The following ASPSCR1 variants were observed in gnomAD, a reference collection of about 807,000 sequenced individuals.
ASPSCR1 encodes the protein tether containing UBX domain for GLUT4.
In ASPSCR1, 55 loss-of-function variants were observed where a neutral mutation model predicts 68.9. The ratio of observed to expected loss-of-function variants is 0.80; its 90% CI spans 0.64 to 1.00. The LOEUF (loss-of-function observed/expected upper bound fraction) is 1.00. ASPSCR1 is among the 50% of genes least tolerant of loss of function. The pLI is 0.00. For missense variants in ASPSCR1, 765 were observed against 762.2 expected, an observed-to-expected ratio of 1.00 and a Z score of -0.04; for synonymous variants, 352 against 332.6, an observed-to-expected ratio of 1.06 and a Z score of -0.63.
rs1346097158 is a variant in ASPSCR1, at chr17:81,987,088, CA to C, written c.374+1484del. Among the ~76,000 whole-genome samples, 1 of 147,484 alleles carries C rather than the reference CA, an allele frequency of 6.8e-6. No individual in the cohort carries two copies. The highest frequency in any genetic ancestry group is 1.5e-5 in the Non-Finnish European group (1 of 67,092). On this transcript the variant is annotated intron_variant, in intron 4 of 15. Coordinates refer to ENST00000306739, the MANE Select transcript of ASPSCR1 (RefSeq NM_024083.4). The surrounding 1 kb of genome is among the most constrained non-coding windows in gnomAD (Gnocchi z 5.6). ...GGCAGGAGATGACGGAGCCTAAGAG[CA>C]AAGCGAAGCCACGGGCAGGGGTGAG...
intron 12 of ASPSCR1, chr17:82,015,326 G>C: frequency 6.3e-7 from 1 of 1,598,166 alleles, no homozygotes; most frequent in Non-Finnish European, 8.5e-7. Flanking sequence ...CCCGAGTCAA[G>C]GCTGGGCACA....
In ASPSCR1 at chr17:81,977,833, G is replaced by A; in HGVS notation, c.102+85G>A. 9.4e-7 allele frequency: 1 copy of A among 1,061,936 alleles called. No individual in the cohort carries two copies. The highest frequency in any genetic ancestry group is 1.2e-6 in the Non-Finnish European group (1 of 844,116). 65.8% of individuals were successfully genotyped at this position (1,061,936 alleles called of 1,614,324 possible). A position where few individuals can be genotyped will look rare whatever the true frequency, so the allele number is the denominator to read the frequency against. On this transcript the variant is annotated intron_variant, in intron 1 of 15. Coordinates refer to ENST00000306739, the MANE Select transcript of ASPSCR1 (RefSeq NM_024083.4). The surrounding 1 kb of genome is among the most constrained non-coding windows in gnomAD (Gnocchi z 5.0). ...CGCCCATTGCGGTCGGCGTCCCGGTGTTCGGGGGCGGGGCCTCGGCGGCCA... is the reference window on the plus strand; with the variant it reads ...CGCCCATTGCGGTCGGCGTCCCGGTATTCGGGGGCGGGGCCTCGGCGGCCA...
rs1347576329 is a variant in ASPSCR1, at chr17:81,977,941, C to G, written c.102+193C>G. Reference sequence around the variant, plus strand: ...CTGGGGTCCCGGGGGTCCCGGGGGTCCCGAGTGGGGGCGGGGCGGTGGCGA... The same window carrying G: ...CTGGGGTCCCGGGGGTCCCGGGGGTGCCGAGTGGGGGCGGGGCGGTGGCGA... On this transcript the variant is annotated intron_variant, in intron 1 of 15. Coordinates refer to ENST00000306739, the MANE Select transcript of ASPSCR1 (RefSeq NM_024083.4). This position sits in a 1 kb window ranked among gnomAD's most constrained non-coding sequence, Gnocchi z 5.0. The G allele has an allele frequency of 8.9e-6, 3 of 338,168 alleles. No homozygotes were observed. The highest frequency in any genetic ancestry group is 1.5e-5 in the Non-Finnish European group (3 of 194,696). The allele number at this position is 338,168 out of a possible 1,614,324, so 20.9% of individuals were successfully genotyped here. A position where few individuals can be genotyped will look rare whatever the true frequency, so the allele number is the denominator to read the frequency against.
rs1176161275 is a variant in ASPSCR1 at position 81,986,834 on chromosome 17, G to C, written c.374+1227G>C. The stretch of plus-strand genomic sequence containing the variant: ...GTCTGACAGTAGTGCCGCGCTGCAT[G>C]GCACGGGTGTTGCGTTCGTGGGTGA... On this transcript the variant is annotated intron_variant, in intron 4 of 15. Transcript: ENST00000306739. The surrounding 1 kb of genome is among the most constrained non-coding windows in gnomAD (Gnocchi z 5.2). Among the ~76,000 whole-genome samples, 1 of 151,970 alleles carries C rather than the reference G, an allele frequency of 6.6e-6. No individual in the cohort carries two copies. Among genetic ancestry groups the C allele is most frequent in the Non-Finnish European group, 1.5e-5 (1 of 68,018 alleles).
At chr17:82,002,969 G>A (rs1004260108) in intron 7 of ASPSCR1, among the ~76,000 whole-genome samples, 7 of 152,092 alleles carry the variant, frequency 4.6e-5, no homozygotes. Context: ...CCACCTCCTG[G>A]GTTCAAGCGA....
Position 81,996,537 on chromosome 17 carries a change from C to G in ASPSCR1, c.624C>G (p.Ser208Arg). The G allele has an allele frequency of 6.2e-7, 1 of 1,612,898 alleles. No homozygotes were observed. The highest frequency in any genetic ancestry group is 8.5e-7 in the Non-Finnish European group (1 of 1,179,682). ...TTCCCTTGGAATCTGGGGAGCTCAG[C>G]CGCGGCGACTTGAGCCGTCCGGAGG... ...APLPLESGEL[S>R]RGDLSRPEDA... Residue 208 changes from serine to arginine, a missense_variant, in exon 7 of 16, where the codon AGC becomes AGG. Coordinates refer to ENST00000306739, the MANE Select transcript of ASPSCR1 (RefSeq NM_024083.4).
intron 8 of ASPSCR1, 111 bp downstream of exon 8, chr17:82,009,302 T>C (rs2042830764): frequency 1.4e-6 from 2 of 1,438,712 alleles, no homozygotes; most frequent in Non-Finnish European, 1.9e-6. Flanking sequence ...CCCAGGTCCC[T>C]GACAGGCTGC....
chr17:82,014,574 GGTGGTGCCGCCTCCCTCCCAGGCGCT>G (rs1180720772), intron 12 of ASPSCR1: 35 of 162,956 alleles, frequency 2.1e-4, no homozygotes, highest in South Asian at 1.5e-3. Context: ...TCCCGGGCAC[GGTGGTGCCGCCTCCCTCCCAGGCGCT>G]GTGGTGCCGC....
rs1389430917 is a variant in ASPSCR1, at chr17:81,999,252, G to A, written c.933+2406G>A. Among the ~76,000 whole-genome samples the A allele has an allele frequency of 4.6e-5, 7 of 152,256 alleles. No homozygotes were observed. The highest frequency in any genetic ancestry group is 4.6e-4 in the Admixed American group (7 of 15,290). On this transcript the variant is annotated intron_variant, in intron 7 of 15. Transcript: ENST00000306739. This position sits in a 1 kb window ranked among gnomAD's most constrained non-coding sequence, Gnocchi z 4.4. ...GCTGCCAGCCACAGCCCAGGGGCCA[G>A]GTCAGAGCTTCTTGAGCTCCTGCTG...
intron 2 of ASPSCR1, among the ~76,000 whole-genome samples, chr17:81,981,579 A>G (rs754579521): frequency 6.6e-4 from 100 of 152,172 alleles, no homozygotes; most frequent in Non-Finnish European, 1.3e-3. Flanking sequence ...GGGTTTCACC[A>G]TGTTGGTCAT....
In ASPSCR1 at chr17:82,016,460, C is replaced by T. The variant is rs776611658; in HGVS notation, c.1354-16C>T. ...CTGCCCACACCCGGCCCCTGAGCCC[C>T]CCGCCCTCCCTGCAGGCGAACCTCT... On this transcript the variant is annotated splice_polypyrimidine_tract_variant and intron_variant, in intron 12 of 15. Transcript: ENST00000306739. 1.2e-5 allele frequency: 19 copies of T among 1,547,000 alleles called. 1 individual carries two copies. In the South Asian group the frequency reaches 2.1e-4, roughly 17 times the overall value.
chr17:81,983,480 G>GGGATGGCGGGGCGT lies in ASPSCR1; in HGVS notation c.159-66_159-53dup, dbSNP rs796632381. The GGGATGGCGGGGCGT allele has an allele frequency of 0.064, 77,810 of 1,210,946 alleles. 5,436 individuals are homozygous for GGGATGGCGGGGCGT. Among genetic ancestry groups the GGGATGGCGGGGCGT allele is most frequent in the African/African-American group, 0.3 (18,787 of 63,550 alleles). The allele number at this position is 1,210,946 out of a possible 1,614,324, so 75.0% of individuals were successfully genotyped here. ...ATGGCGGGGCGTGGATGGTGGGACG[G>GGGATGGCGGGGCGT]GGATGGCGGGGCGTGGATGGCAGGG... On this transcript the variant is annotated intron_variant, in intron 2 of 15. Coordinates refer to ENST00000306739, the MANE Select transcript of ASPSCR1 (RefSeq NM_024083.4). The surrounding 1 kb of genome is among the most constrained non-coding windows in gnomAD (Gnocchi z 4.4).
At chr17:82,011,397 A>T in intron 10 of ASPSCR1, 146 bp from the exon 11 acceptor site, 1 of 781,144 alleles carries the variant, frequency 1.3e-6, no homozygotes, top group Non-Finnish European at 2.0e-6. Flanking sequence ...CACGCCGAGC[A>T]CCTGGAGTGC....
rs1169440494 is a variant in ASPSCR1, at chr17:81,977,734, A to G, written c.88A>G (p.Thr30Ala). 7.8e-7 allele frequency: 1 copy of G among 1,278,338 alleles called. No homozygotes were observed. Among genetic ancestry groups the G allele is most frequent in the Non-Finnish European group, 9.9e-7 (1 of 1,008,352 alleles). The allele number at this position is 1,278,338 out of a possible 1,614,324, so 79.2% of individuals were successfully genotyped here. The change falls in exon 1 of 16, where the codon ACC (threonine) becomes GCC (alanine). Residue 30 changes from threonine to alanine, a missense_variant. Coordinates refer to ENST00000306739, the MANE Select transcript of ASPSCR1 (RefSeq NM_024083.4). The surrounding 1 kb of genome is among the most constrained non-coding windows in gnomAD (Gnocchi z 5.0). Reference protein sequence around the residue: ...RRHTVKVTPSTVLLQVLEDTC... With the variant: ...RRHTVKVTPSAVLLQVLEDTC... ...CCACACGGTGAAGGTGACGCCGAGC[A>G]CCGTGCTGCTTCAGGTGCGGCCGCC...
intron 12 of ASPSCR1, chr17:82,015,398 CAG>C (rs773030214): frequency 1.1e-5 from 17 of 1,561,432 alleles, no homozygotes; most frequent in Non-Finnish European, 1.2e-5. Flanking sequence ...GAGGCGCAGA[CAG>C]GGAGCCCAGG....
At position 82,012,370 on chromosome 17, in the gene ASPSCR1, G is replaced by T. The variant is rs1196618670; in HGVS notation, c.1353+87G>T. On this transcript the variant is annotated intron_variant, in intron 12 of 15. Transcript: ENST00000306739. The stretch of plus-strand genomic sequence containing the variant: ...GCGTGAGGCCTCGGGCAGGAAGGAG[G>T]GGCCTGGCAGGCGCTGGGGCAGGAT... The T allele has an allele frequency of 2.1e-6, 3 of 1,455,382 alleles. No individual in the cohort carries two copies. In the African/African-American group the frequency reaches 4.2e-5, roughly 20 times the overall value. 90.2% of individuals were successfully genotyped at this position (1,455,382 alleles called of 1,614,324 possible).
chr17:81,987,356 A>G lies in ASPSCR1; in HGVS notation c.374+1749A>G, dbSNP rs1357397234. ...TGGCTCTGTGCTGCTTCCTGAGACG[A>G]GAGTGGCAGAGGGCAAGAAGAAAAC... On this transcript the variant is annotated intron_variant, in intron 4 of 15. Transcript: ENST00000306739. This position sits in a 1 kb window ranked among gnomAD's most constrained non-coding sequence, Gnocchi z 5.6. 6.6e-6 allele frequency among the ~76,000 whole-genome samples: 1 copy of G among 152,192 alleles called. No homozygotes were observed. The highest frequency in any genetic ancestry group is 2.4e-5 in the African/African-American group (1 of 41,444).
intron 8 of ASPSCR1, 108 bp downstream of exon 8, chr17:82,009,299 C>T (rs1158188224): frequency 1.4e-6 from 2 of 1,439,770 alleles, no homozygotes; most frequent in Non-Finnish European, 1.9e-6. Context: ...CGGCCCAGGT[C>T]CCTGACAGGC....
chr17:82,011,646 C>A, intron 11 of ASPSCR1, 41 bp downstream of exon 11: 1 of 1,595,542 alleles, frequency 6.3e-7, no homozygotes, highest in South Asian at 1.1e-5. Flanking sequence ...CTCCAGTGCT[C>A]GGGGCCTTGG....
Sources: allele counts gnomAD v4.1 joint callset (sites outside exome capture counted in the v4.1 genomes callset), GRCh38; gene constraint gnomAD v4.1.1; non-coding constraint Gnocchi (gnomAD v3.1); transcripts MANE v1.5; gene names NCBI Gene and HGNC (gene_info 2026-07-23, HGNC 2026-07-21).